CDC73: variants seen among roughly 807,000 people sequenced by gnomAD.
CDC73 encodes the protein parafibromin.
In CDC73, 21 loss-of-function variants were observed where a neutral mutation model predicts 83.7. That is an observed-to-expected ratio of 0.25 (90% CI 0.18 to 0.36). The LOEUF (loss-of-function observed/expected upper bound fraction) is 0.36. Ranked by LOEUF, CDC73 falls within the 10% of genes least tolerant of loss-of-function variation. CDC73 has a pLI of 1.00. For synonymous variants in CDC73, 224 were observed against 212.9 expected (o/e 1.05, Z -0.45); for missense variants, 342 against 653.3 (o/e 0.52, Z 5.19).
chr1:193,180,579 A>T, intron 10 of CDC73: 1 of 1,614,180 alleles, frequency 6.2e-7, no homozygotes, highest in Non-Finnish European at 8.5e-7. Context: ...AAGAAACTTT[A>T]AAAATCTTTT....
intron 10 of CDC73, among the ~76,000 whole-genome samples, chr1:193,164,536 T>A (rs1478563550): frequency 6.6e-6 from 1 of 152,218 alleles, no homozygotes; most frequent in African/African-American, 2.4e-5. Context: ...ACATGTTCTC[T>A]GTGTAAAGCT....
intron 10 of CDC73, among the ~76,000 whole-genome samples, chr1:193,164,866 G>A (rs904455390): frequency 6.6e-6 from 1 of 152,146 alleles, no homozygotes; most frequent in Non-Finnish European, 1.5e-5. Flanking sequence ...GTGTTGGTGA[G>A]GGAACTAGCT....
Position 193,236,015 on chromosome 1 carries a change from A to G in CDC73, c.1317-241A>G, listed in dbSNP as rs538101710. Among the ~76,000 whole-genome samples the G allele has an allele frequency of 3.9e-5, 6 of 152,340 alleles. No homozygotes were observed. In the East Asian group the frequency reaches 1.2e-3, roughly 29 times the overall value. ...GAGTATTGTCCATTGAATTATGTTT[A>G]AAAGACTTAGGTGTAAAAACCAGAT... On this transcript the variant is annotated intron_variant, in intron 14 of 16. Coordinates refer to ENST00000367435, the MANE Select transcript of CDC73 (RefSeq NM_024529.5).
Position 193,249,881 on chromosome 1 carries a change from A to T in CDC73, c.1559+10A>T, listed in dbSNP as rs2102073665. The T allele has an allele frequency of 6.2e-7, 1 of 1,611,176 alleles. No homozygotes were observed. Among genetic ancestry groups the T allele is most frequent in the Non-Finnish European group, 8.5e-7 (1 of 1,177,682 alleles). On this transcript the variant is annotated intron_variant, in intron 16 of 16. Coordinates refer to ENST00000367435, the MANE Select transcript of CDC73 (RefSeq NM_024529.5). ...GGGAAACATTGGACAGGTAATTCCG[A>T]TTCTAAAATATGCTTGTGTGTGTTT...
intron 10 of CDC73, among the ~76,000 whole-genome samples, chr1:193,166,492 A>G (rs1170552119): frequency 6.6e-6 from 1 of 152,156 alleles, no homozygotes; most frequent in Non-Finnish European, 1.5e-5. Flanking sequence ...AGTGATTTAA[A>G]ATGGTTTAAA....
chr1:193,183,400 A>G (rs1432899964), intron 10 of CDC73, among the ~76,000 whole-genome samples: 1 of 149,428 alleles, frequency 6.7e-6, no homozygotes, highest in Non-Finnish European at 1.5e-5. Context: ...TAAGTTTGGA[A>G]TTTTAAAAGC....
intron 10 of CDC73, among the ~76,000 whole-genome samples, chr1:193,156,067 T>C (rs144373836): frequency 2.0e-4 from 31 of 152,332 alleles, no homozygotes; most frequent in African/African-American, 7.2e-4. Flanking sequence ...TAGGGTCATA[T>C]TAGACAAAGA....
intron 15 of CDC73, among the ~76,000 whole-genome samples, chr1:193,242,530 C>T (rs1392484147): frequency 1.3e-5 from 2 of 152,144 alleles, no homozygotes; most frequent in Admixed American, 6.5e-5. Flanking sequence ...TATCTACTCA[C>T]TGTTTTGGTT....
rs537091471 is a variant in CDC73 at position 193,202,270 on chromosome 1, CA to C, written c.973-1524del. ...GCAGTGCCCAGAGCCTATTATGCTC[CA>C]GGTACTGGAATTACAAAGAATAATA... is the stretch of plus-strand genomic sequence containing the variant. On this transcript the variant is annotated intron_variant, in intron 10 of 16. Transcript: ENST00000367435. 1.7e-3 allele frequency among the ~76,000 whole-genome samples: 265 copies of C among 152,136 alleles called. 1 individual carries two copies. Among genetic ancestry groups the C allele is most frequent in the African/African-American group, 6.2e-3 (257 of 41,530 alleles).
At chr1:193,220,581 T>G (rs1255543413) in intron 13 of CDC73, among the ~76,000 whole-genome samples, 1 of 152,216 alleles carries the variant, frequency 6.6e-6, no homozygotes, top group Non-Finnish European at 1.5e-5. Context: ...GAATTTTAAG[T>G]GCCTCCAACT....
chr1:193,156,258 C>G (rs1676205951), intron 10 of CDC73, among the ~76,000 whole-genome samples: 1 of 152,140 alleles, frequency 6.6e-6, no homozygotes, highest in Admixed American at 6.5e-5. Context: ...TTTAACCTGT[C>G]TAGCCTGTTC....
chr1:193,208,854 C>T (rs1341354976), intron 11 of CDC73, among the ~76,000 whole-genome samples: 2 of 152,160 alleles, frequency 1.3e-5, no homozygotes, highest in Non-Finnish European at 2.9e-5. Flanking sequence ...ATTCCTACCT[C>T]TTATCTGAAC....
chr1:193,166,757 C>G (rs1558295613), intron 10 of CDC73, among the ~76,000 whole-genome samples: 1 of 151,774 alleles, frequency 6.6e-6, no homozygotes, highest in East Asian at 1.9e-4. Context: ...AGCGATTGTC[C>G]TGCCTCAGCC....
intron 15 of CDC73, among the ~76,000 whole-genome samples, chr1:193,242,126 G>C (rs1192800346): frequency 6.6e-6 from 1 of 152,192 alleles, no homozygotes; most frequent in Non-Finnish European, 1.5e-5. Flanking sequence ...CTGTCTTCAG[G>C]TGCTTCCCCC....
Position 193,148,771 on chromosome 1 carries a change from A to G in CDC73, c.828+806A>G, listed in dbSNP as rs1338269059. Reference sequence around the variant, plus strand: ...GCGATTCTTCTGCCTCAGCCTCCCAAGTAGCCAGGATTACAGGCGCATGCC... The same window carrying G: ...GCGATTCTTCTGCCTCAGCCTCCCAGGTAGCCAGGATTACAGGCGCATGCC... On this transcript the variant is annotated intron_variant, in intron 8 of 16. Coordinates refer to ENST00000367435, the MANE Select transcript of CDC73 (RefSeq NM_024529.5). Among the ~76,000 whole-genome samples, 6 of 150,462 alleles carry G rather than the reference A, an allele frequency of 4.0e-5. No individual in the cohort carries two copies. In the East Asian group the frequency reaches 1.2e-3, roughly 29 times the overall value.
chr1:193,251,827 A>G lies in CDC73; in HGVS notation c.*1115A>G, dbSNP rs1345588085. Reference sequence around the variant, plus strand: ...GTACATCAAGTGACCATTTGCCTTGAACCTTGATTTCACTTTGTTTTTTTT... The same window carrying G: ...GTACATCAAGTGACCATTTGCCTTGGACCTTGATTTCACTTTGTTTTTTTT... On this transcript the variant is annotated 3_prime_UTR_variant, in exon 17 of 17. Coordinates refer to ENST00000367435, the MANE Select transcript of CDC73 (RefSeq NM_024529.5). 1 of 231,184 alleles carries G rather than the reference A, an allele frequency of 4.3e-6. No homozygotes were observed. The highest frequency in any genetic ancestry group is 6.1e-5 in the East Asian group (1 of 16,396). 14.3% of individuals were successfully genotyped at this position (231,184 alleles called of 1,614,324 possible).
intron 13 of CDC73, among the ~76,000 whole-genome samples, chr1:193,220,599 C>T (rs1420733201): frequency 3.9e-5 from 6 of 152,138 alleles, no homozygotes; most frequent in Non-Finnish European, 7.3e-5. Flanking sequence ...ACTTAAGTAG[C>T]TTTCTTTACA....
At chr1:193,183,775 C>T (rs1322214861) in intron 10 of CDC73, among the ~76,000 whole-genome samples, 4 of 151,662 alleles carry the variant, frequency 2.6e-5, no homozygotes, top group Non-Finnish European at 4.4e-5. Context: ...ATAATCTGTT[C>T]TAAGTGTTAC....
At chr1:193,139,940 A>T (rs1675875483) in intron 6 of CDC73, among the ~76,000 whole-genome samples, 2 of 152,190 alleles carry the variant, frequency 1.3e-5, no homozygotes, top group Admixed American at 1.3e-4. Flanking sequence ...GTGGTTCTTT[A>T]TTCAACCTTA....
Sources: gnomAD v4.1 joint callset for allele counts (sites outside exome capture counted in the v4.1 genomes callset) on GRCh38, gnomAD v4.1.1 for gene constraint, MANE v1.5 for transcripts, NCBI Gene and HGNC (gene_info 2026-07-23, HGNC 2026-07-21) for gene names.